The following SETX variants were observed in gnomAD, a reference collection of about 807,000 sequenced individuals.
SETX encodes helicase senataxin.
Under a neutral mutation model 227.2 loss-of-function variants are expected in SETX, and 90 were observed. That is an observed-to-expected ratio of 0.40 (90% confidence interval 0.33 to 0.47). The LOEUF (loss-of-function observed/expected upper bound fraction) is 0.47. Ranked by LOEUF, SETX falls within the 20% of genes least tolerant of loss-of-function variation. The pLI, the probability that SETX is intolerant of heterozygous loss-of-function variation, is 0.91. For synonymous variants in SETX, 1,210 were observed against 1,113.2 expected (o/e 1.09, Z -1.73); for missense variants, 3,052 against 3,181.5 (o/e 0.96, Z 0.98).
intron 12 of SETX, 47 bp downstream of exon 12, chr9:132,300,583 T>G: frequency 7.0e-6 from 11 of 1,577,072 alleles, no homozygotes; most frequent in African/African-American, 1.3e-5. Flanking sequence ...GATTATTAGA[T>G]GAGACTGTAT....
At chr9:132,298,863 C>G (rs962450703) in intron 12 of SETX, among the ~76,000 whole-genome samples, 1 of 152,164 alleles carries the variant, frequency 6.6e-6, no homozygotes, top group African/African-American at 2.4e-5. Context: ...AGTAATGACT[C>G]TGAACGCTAT....
In SETX at chr9:132,330,950, C is replaced by A. The variant is rs1589749378; in HGVS notation, c.1098+102G>T. ...CTTTTACATAGCAGTAGATTGAGAACAGCTACATATCACAAAATCTGCAAC... is the reference window on the plus strand; with the variant it reads ...CTTTTACATAGCAGTAGATTGAGAAAAGCTACATATCACAAAATCTGCAAC... On this transcript the variant is annotated intron_variant, in intron 9 of 25. Coordinates refer to ENST00000224140, the MANE Select transcript of SETX (RefSeq NM_015046.7). 5.6e-6 allele frequency: 5 copies of A among 900,314 alleles called. No homozygotes were observed. The East Asian group carries it at 1.2e-4, about 22-fold the overall frequency. The allele number at this position is 900,314 out of a possible 1,614,324, so 55.8% of individuals were successfully genotyped here.
At chr9:132,300,883 T>A in intron 11 of SETX, 80 bp from the exon 12 acceptor site, 2 of 1,345,722 alleles carry the variant, frequency 1.5e-6, no homozygotes, top group South Asian at 2.7e-5. Flanking sequence ...AGAAATTAAA[T>A]CCTTGTATTA....
At chr9:132,290,938 G>A (rs554385044) in intron 15 of SETX, among the ~76,000 whole-genome samples, 7 of 146,516 alleles carry the variant, frequency 4.8e-5, no homozygotes, top group Middle Eastern at 3.4e-3. Context: ...AATTGGACAC[G>A]TCACAGTTAT....
At position 132,300,697 on chromosome 9, in the gene SETX, T is replaced by G. The variant is rs758496852; in HGVS notation, c.5481A>C (p.Arg1827Ser). ...RINEEKKDTE[R>S]NDIQDLHEYH... ...ATTCGTGGAGATCTTGTATGTCATTTCTCTCTGTATCTTTCTTCTCTTCAT... is the reference window on the plus strand; with the variant it reads ...ATTCGTGGAGATCTTGTATGTCATTGCTCTCTGTATCTTTCTTCTCTTCAT... Residue 1827 changes from arginine (R) to serine (S), a missense_variant, in exon 12 of 26, where the codon AGA becomes AGC. Around this residue, in one of 10 missense-constraint regions of SETX, gnomAD observed 239 missense variants for 272.1 expected, o/e 0.88. Transcript: ENST00000224140. 32 of 1,613,724 alleles carry G rather than the reference T, an allele frequency of 2.0e-5. No individual in the cohort carries two copies. Among genetic ancestry groups the G allele is most frequent in the Non-Finnish European group, 2.6e-5 (31 of 1,179,896 alleles).
intron 10 of SETX, among the ~76,000 whole-genome samples, chr9:132,318,456 A>C (rs1001580005): frequency 5.9e-5 from 9 of 152,192 alleles, no homozygotes; most frequent in Admixed American, 1.3e-4. Context: ...ACAAAGGAAC[A>C]CTGCAGGAAC....
rs373801711 is a variant in SETX, at chr9:132,270,196, G to A, written c.7200-494C>T. Among the ~76,000 whole-genome samples the A allele has an allele frequency of 6.3e-5, 9 of 142,156 alleles. No individual in the cohort carries two copies. In the South Asian group the frequency reaches 9.3e-4, roughly 15 times the overall value. 93.3% of individuals were successfully genotyped at this position (142,156 alleles called of 152,430 possible). On this transcript the variant is annotated intron_variant, in intron 24 of 25. Transcript: ENST00000224140. ...CAGGTGGACTCTAGAATGACTCAGC[G>A]TGCCCATGTGAGACACAGGTGGACT... is the stretch of plus-strand genomic sequence containing the variant.
At chr9:132,355,586 T>C (rs1848868740), upstream of SETX, among the ~76,000 whole-genome samples, 1 of 152,176 alleles carries the variant, frequency 6.6e-6, no homozygotes, top group Non-Finnish European at 1.5e-5. Context: ...CCGCTTCTAA[T>C]CCCACCACTT....
chr9:132,282,019 TAA>T (rs71376633), intron 19 of SETX, among the ~76,000 whole-genome samples: 39 of 81,884 alleles, frequency 4.8e-4, no homozygotes, highest in East Asian at 1.6e-3. Context: ...ACTCCGTCTC[TAA>T]AAAAAAAAAA....
intron 10 of SETX, among the ~76,000 whole-genome samples, chr9:132,314,100 T>C (rs961501841): frequency 2.6e-5 from 4 of 151,116 alleles, no homozygotes; most frequent in Admixed American, 6.6e-5. Context: ...CCAGCTCACT[T>C]TTTTTTTTGG....
chr9:132,356,377 T>G (rs916867727), upstream of SETX, among the ~76,000 whole-genome samples: 2 of 151,988 alleles, frequency 1.3e-5, no homozygotes, highest in Non-Finnish European at 2.9e-5. Context: ...AATGTTCATG[T>G]TTTTAGTAGA....
chr9:132,328,324 C>G lies in SETX; in HGVS notation c.3274G>C (p.Val1092Leu). ...EFESSSEVFS[V>L]WQDHPDDNNS... ...TTATCGTCTGGATGATCTTGCCAAA[C>G]TGAAAACACTTCAGATGAACTTTCA... is the stretch of plus-strand genomic sequence containing the variant. Residue 1092 changes from valine to leucine, a missense_variant, in exon 10 of 26, where the codon GTT becomes CTT. By Grantham distance (32) the Val-to-Leu change is conservative. Around this residue, in one of 10 missense-constraint regions of SETX, gnomAD observed 1,483 missense variants for 1,312.0 expected, o/e 1.13. Transcript: ENST00000224140. The G allele has an allele frequency of 6.2e-7, 1 of 1,614,048 alleles. No individual in the cohort carries two copies. The highest frequency in any genetic ancestry group is 1.1e-5 in the South Asian group (1 of 91,062).
In SETX at chr9:132,264,898, C is replaced by T. The variant is rs1182285610; in HGVS notation, c.7375G>A (p.Ala2459Thr). Residue 2459 changes from alanine to threonine, a missense_variant, in exon 26 of 26, where the codon GCA (alanine) becomes ACA (threonine). Physicochemically the swap from Ala to Thr is moderately conservative, Grantham distance 58 (BLOSUM62 0). Transcript: ENST00000224140. The stretch of plus-strand genomic sequence containing the variant: ...GGCTTGAGTTTCAGAATCTTCACTG[C>T]ATCATGTCTATAGTTTTTGTCACAG... ...KTCDKNYRHDAVKILKLKPVL... is the reference protein window; with the variant it reads ...KTCDKNYRHDTVKILKLKPVL... The T allele has an allele frequency of 1.1e-5, 17 of 1,614,026 alleles. No individual in the cohort carries two copies. Among genetic ancestry groups the T allele is most frequent in the Non-Finnish European group, 1.3e-5 (15 of 1,180,010 alleles).
At chr9:132,268,906 G>A (rs1842771514) in intron 25 of SETX, among the ~76,000 whole-genome samples, 1 of 152,210 alleles carries the variant, frequency 6.6e-6, no homozygotes, top group Non-Finnish European at 1.5e-5. Context: ...GAAAGAAGGT[G>A]TATCTGAGCG....
At chr9:132,273,643 T>G (rs915283084) in intron 23 of SETX, among the ~76,000 whole-genome samples, 1 of 152,266 alleles carries the variant, frequency 6.6e-6, no homozygotes, top group Admixed American at 6.5e-5. Flanking sequence ...TATAATCAAC[T>G]TTCACATATT....
chr9:132,340,378 T>C (rs544707050), intron 5 of SETX, among the ~76,000 whole-genome samples: 1 of 152,380 alleles, frequency 6.6e-6, no homozygotes, highest in East Asian at 1.9e-4. Context: ...CTGCTTCTAC[T>C]GAAATCTTCA....
intron 8 of SETX, 30 bp from the exon 9 acceptor site, chr9:132,331,169 T>A: frequency 1.2e-6 from 2 of 1,608,716 alleles, no homozygotes; most frequent in Non-Finnish European, 1.7e-6. Flanking sequence ...TAGAAATTAC[T>A]GAAACGAAGG....
chr9:132,349,100 TAAC>T (rs773884121), intron 3 of SETX, 149 bp downstream of exon 3: 85 of 764,866 alleles, frequency 1.1e-4, no homozygotes, highest in African/African-American at 3.2e-4. Context: ...ACTCCATCTC[TAAC>T]AACAACAAAA....
In SETX at chr9:132,326,547, G is replaced by C. The variant is rs140116005; in HGVS notation, c.5051C>G (p.Ser1684Cys). 1.1e-4 allele frequency: 181 copies of C among 1,614,102 alleles called. No homozygotes were observed. The highest frequency in any genetic ancestry group is 3.3e-4 in the Middle Eastern group (2 of 6,084). Reference sequence around the variant, plus strand: ...CAAAAGAATGTTTACTGGAGAGGAAGATGGAAAATATTTGCTTTCACCAAA... The same window carrying C: ...CAAAAGAATGTTTACTGGAGAGGAACATGGAAAATATTTGCTTTCACCAAA... ...VPFGESKYFP[S>C]SSPVNILLSS... Residue 1684 changes from serine to cysteine, a missense_variant, in exon 10 of 26, where the codon TCT becomes TGT. Around this residue, in one of 10 missense-constraint regions of SETX, gnomAD observed 1,483 missense variants for 1,312.0 expected, o/e 1.13. Coordinates refer to ENST00000224140, the MANE Select transcript of SETX (RefSeq NM_015046.7).
Sources: gnomAD v4.1 joint callset for allele counts (sites outside exome capture counted in the v4.1 genomes callset) on GRCh38, gnomAD v4.1.1 for gene constraint, gnomAD v4.1.1 regional missense constraint, MANE v1.5 for transcripts, NCBI Gene and HGNC (gene_info 2026-07-23, HGNC 2026-07-21) for gene names.